CMSS1: variants seen among roughly 807,000 people sequenced by gnomAD.
CMSS1 encodes the protein cms1 ribosomal small subunit homolog.
A neutral mutation model predicts 43.5 loss-of-function variants in CMSS1; 33 were observed. That is an observed-to-expected ratio of 0.76 (90% confidence interval 0.57 to 1.01). The LOEUF (loss-of-function observed/expected upper bound fraction) is 1.01, where lower values mean the gene tolerates loss of function less well. Among genes scored for constraint, CMSS1 ranks in the 50% least tolerant of loss-of-function variants. The pLI, the probability that CMSS1 is intolerant of heterozygous loss-of-function variation, is 0.00. For synonymous variants in CMSS1, 115 were observed against 117.2 expected, an observed-to-expected ratio of 0.98 and a Z score of 0.12; for missense variants, 313 against 326.4, an observed-to-expected ratio of 0.96 and a Z score of 0.32.
At chr3:100,162,245 C>G in intron 3 of CMSS1, 58 bp from the exon 4 acceptor site, 1 of 1,532,620 alleles carries the variant, frequency 6.5e-7, no homozygotes, top group Non-Finnish European at 8.9e-7. Flanking sequence ...CTAACCTATT[C>G]CAACCAAATG....
intron 1 of CMSS1, among the ~76,000 whole-genome samples, chr3:100,100,784 G>A (rs2066290329): frequency 6.6e-6 from 1 of 152,202 alleles, no homozygotes. Context: ...CGCAAGGTTA[G>A]TATCGCCTTG....
chr3:100,147,119 CCT>C (rs2066859063), intron 2 of CMSS1, 58 bp downstream of exon 2: 1 of 1,592,730 alleles, frequency 6.3e-7, no homozygotes, highest in African/African-American at 1.3e-5. Context: ...GCCTTTTCCT[CCT>C]CTCTATTGAA....
At chr3:100,063,420 A>G (rs145806930) in intron 1 of CMSS1, among the ~76,000 whole-genome samples, 1,792 of 152,300 alleles carry the variant, frequency 0.012, 22 homozygotes, top group African/African-American at 0.026. Flanking sequence ...TTATTATTAT[A>G]GTATTATTAT....
intron 1 of CMSS1, among the ~76,000 whole-genome samples, chr3:100,133,550 T>C (rs2066727441): frequency 2.0e-5 from 3 of 152,214 alleles, no homozygotes; most frequent in Admixed American, 1.3e-4. Flanking sequence ...AAAAGGTTTT[T>C]AAAAATTATG....
chr3:100,085,568 T>G (rs1326611993), intron 1 of CMSS1, among the ~76,000 whole-genome samples: 3 of 152,208 alleles, frequency 2.0e-5, no homozygotes, highest in African/African-American at 4.8e-5. Flanking sequence ...TCTGTGTTCC[T>G]CTTTCATCCT....
chr3:100,175,077 A>G (rs2067138253), intron 8 of CMSS1, among the ~76,000 whole-genome samples: 1 of 152,070 alleles, frequency 6.6e-6, no homozygotes, highest in African/African-American at 2.4e-5. Context: ...TTAATTTTTC[A>G]TTTGTATAGC....
chr3:100,086,045 C>T (rs190674094), intron 1 of CMSS1, among the ~76,000 whole-genome samples: 3 of 152,154 alleles, frequency 2.0e-5, no homozygotes, highest in African/African-American at 4.8e-5. Context: ...AAATATGATT[C>T]GTGTTAGAGA....
intron 2 of CMSS1, among the ~76,000 whole-genome samples, chr3:100,154,414 C>G (rs1280875502): frequency 6.6e-6 from 1 of 151,730 alleles, no homozygotes; most frequent in Non-Finnish European, 1.5e-5. Flanking sequence ...GATCTTTTTC[C>G]TATATAATGT....
intron 1 of CMSS1, among the ~76,000 whole-genome samples, chr3:99,870,427 T>C (rs1272066776): frequency 6.6e-6 from 1 of 152,210 alleles, no homozygotes; most frequent in African/African-American, 2.4e-5. Context: ...TTTTTATGTG[T>C]AGCTGATCTC....
rs1488754326 is a variant in CMSS1, at chr3:100,147,067, G to C, written c.153+6G>C. 6.2e-7 allele frequency: 1 copy of C among 1,613,504 alleles called. No homozygotes were observed. On this transcript the variant is annotated splice_donor_region_variant and intron_variant, in intron 2 of 9. Coordinates refer to ENST00000421999, the MANE Select transcript of CMSS1 (RefSeq NM_032359.4). ...CTTCAGAGAAAACCAAACAGGTGAG[G>C]GGTCACTGTGGGAGAGCCACCACTG...
At chr3:99,865,642 G>A (rs1471787213) in intron 1 of CMSS1, among the ~76,000 whole-genome samples, 2 of 152,108 alleles carry the variant, frequency 1.3e-5, no homozygotes, top group Non-Finnish European at 2.9e-5. Context: ...CCCAGAGGTG[G>A]TGGGTTTGTC....
intron 1 of CMSS1, among the ~76,000 whole-genome samples, chr3:100,144,698 T>A (rs2066833254): frequency 6.6e-6 from 1 of 152,184 alleles, no homozygotes; most frequent in South Asian, 2.1e-4. Flanking sequence ...TCTGAAAGGT[T>A]TTAGTCTTGC....
At chr3:99,992,061 G>A (rs1394560277) in intron 1 of CMSS1, among the ~76,000 whole-genome samples, 1 of 148,774 alleles carries the variant, frequency 6.7e-6, no homozygotes, top group Non-Finnish European at 1.5e-5. Flanking sequence ...TCTTTATATA[G>A]TCCTCCATTA....
intron 1 of CMSS1, among the ~76,000 whole-genome samples, chr3:100,062,340 T>C (rs970960721): frequency 3.3e-5 from 5 of 152,038 alleles, no homozygotes; most frequent in African/African-American, 7.2e-5. Flanking sequence ...CTCGATCTCC[T>C]GACCTCGCGA....
intron 8 of CMSS1, among the ~76,000 whole-genome samples, chr3:100,173,318 G>A (rs375406730): frequency 2.0e-3 from 299 of 152,260 alleles, no homozygotes; most frequent in Non-Finnish European, 2.9e-3. Flanking sequence ...TGTACGCAGC[G>A]CTACGCTTGA....
intron 1 of CMSS1, among the ~76,000 whole-genome samples, chr3:100,021,223 T>C (rs966152781): frequency 2.6e-5 from 4 of 152,318 alleles, no homozygotes; most frequent in East Asian, 1.9e-4. Flanking sequence ...AGCAAAACCA[T>C]TGGAAGTAGC....
chr3:99,907,592 T>C (rs1706660842), intron 1 of CMSS1, among the ~76,000 whole-genome samples: 1 of 152,150 alleles, frequency 6.6e-6, no homozygotes, highest in Admixed American at 6.5e-5. Flanking sequence ...AACATAACAT[T>C]GCACCCATAG....
At chr3:99,983,450 A>ATATG (rs1553702749) in intron 1 of CMSS1, among the ~76,000 whole-genome samples, 8 of 10,088 alleles carry the variant, frequency 7.9e-4, no homozygotes, top group African/African-American at 2.0e-3. Context: ...ATGTATGTAT[A>ATATG]TATATATATG....
chr3:100,171,467 A>G (rs975182381), intron 6 of CMSS1, among the ~76,000 whole-genome samples: 1 of 152,066 alleles, frequency 6.6e-6, no homozygotes, highest in Non-Finnish European at 1.5e-5. Flanking sequence ...TATCTTTTGC[A>G]ACCAAATTTT....
Sources: allele counts gnomAD v4.1 joint callset (sites outside exome capture counted in the v4.1 genomes callset), GRCh38; gene constraint gnomAD v4.1.1; transcripts MANE v1.5; gene names NCBI Gene and HGNC (gene_info 2026-07-23, HGNC 2026-07-21).